SPOCK1: variants seen among roughly 807,000 people sequenced by gnomAD.
SPOCK1 encodes the protein testican-1.
In SPOCK1, 23 loss-of-function variants were observed where a neutral mutation model predicts 55.3. That is an observed-to-expected ratio of 0.42 (90% CI 0.30 to 0.59). SPOCK1 has a LOEUF of 0.59. SPOCK1 is among the 20% of genes least tolerant of loss of function. The pLI, the probability that SPOCK1 is intolerant of heterozygous loss-of-function variation, is 0.22. For synonymous variants in SPOCK1, 226 were observed against 221.0 expected, an observed-to-expected ratio of 1.02 and a Z score of -0.20; for missense variants, 499 against 552.5, an observed-to-expected ratio of 0.90 and a Z score of 0.97.
rs1024365476 is a variant in SPOCK1, at chr5:137,167,907, T to A, written c.233-27213A>T. ...TGTCAAAAAACAACCTAACAATGCATCTTAAAGAATTACAAAAGCAAGAGC... is the reference window on the plus strand; with the variant it reads ...TGTCAAAAAACAACCTAACAATGCAACTTAAAGAATTACAAAAGCAAGAGC... On this transcript the variant is annotated intron_variant, in intron 3 of 10. Coordinates refer to ENST00000394945, the MANE Select transcript of SPOCK1 (RefSeq NM_004598.4). Among the ~76,000 whole-genome samples the A allele has an allele frequency of 2.0e-5, 3 of 151,846 alleles. No homozygotes were observed. The East Asian group carries it at 5.8e-4, about 29-fold the overall frequency.
chr5:137,435,310 T>A (rs992003150), intron 2 of SPOCK1, among the ~76,000 whole-genome samples: 1 of 152,352 alleles, frequency 6.6e-6, no homozygotes. Flanking sequence ...ATTCATTGAC[T>A]CGTTAAAGTT....
At chr5:136,987,128 A>C (rs926269609) in intron 8 of SPOCK1, among the ~76,000 whole-genome samples, 2 of 152,140 alleles carry the variant, frequency 1.3e-5, no homozygotes, top group African/African-American at 4.8e-5. Context: ...TGTAATACAC[A>C]ATCTAGACTG....
Position 136,996,887 on chromosome 5 carries a change from C to T in SPOCK1, c.590-4287G>A, listed in dbSNP as rs188580359. ...AGCAGCGGCAACCCTCTCGGTTCCC[C>T]TTCCACACTGTGGAAACTTCGTTCT... is the stretch of plus-strand genomic sequence containing the variant. On this transcript the variant is annotated intron_variant, in intron 6 of 10. Coordinates refer to ENST00000394945, the MANE Select transcript of SPOCK1 (RefSeq NM_004598.4). Among the ~76,000 whole-genome samples, 10 of 152,272 alleles carry T rather than the reference C, an allele frequency of 6.6e-5. No individual in the cohort carries two copies. The East Asian group carries it at 1.9e-3, about 30-fold the overall frequency.
intron 2 of SPOCK1, among the ~76,000 whole-genome samples, chr5:137,497,530 T>A (rs1754324313): frequency 6.6e-6 from 1 of 152,132 alleles, no homozygotes; most frequent in Admixed American, 6.5e-5. Context: ...TGGCAGACGC[T>A]CCCACAGAAC....
intron 5 of SPOCK1, among the ~76,000 whole-genome samples, chr5:137,079,535 C>CCGCA (rs1554096418): frequency 2.1e-5 from 1 of 47,096 alleles, no homozygotes; most frequent in Admixed American, 1.9e-4. Context: ...CATCTGATTC[C>CCGCA]CCCCCCCCCC....
chr5:137,092,560 C>T (rs1753071158), intron 5 of SPOCK1, among the ~76,000 whole-genome samples: 1 of 152,240 alleles, frequency 6.6e-6, no homozygotes, highest in Admixed American at 6.5e-5. Flanking sequence ...CCACCTGATA[C>T]ACACCCACTT....
chr5:137,204,828 C>T lies in SPOCK1; in HGVS notation c.232+62182G>A, dbSNP rs187293664. On this transcript the variant is annotated intron_variant, in intron 3 of 10. Coordinates refer to ENST00000394945, the MANE Select transcript of SPOCK1 (RefSeq NM_004598.4). ...CTGCAATCTCATATCCCGCTCTTTT[C>T]CCCTCACTGTATATACCCTAGAAGC... 9.3e-4 allele frequency among the ~76,000 whole-genome samples: 141 copies of T among 152,246 alleles called. 1 individual carries two copies. Among genetic ancestry groups the T allele is most frequent in the African/African-American group, 3.3e-3 (137 of 41,552 alleles).
At chr5:137,160,508 T>C (rs10071481) in intron 3 of SPOCK1, among the ~76,000 whole-genome samples, 1 of 90,010 alleles carries the variant, frequency 1.1e-5, no homozygotes, top group African/African-American at 4.7e-5. Context: ...TATATATATA[T>C]ACACATATAT....
intron 2 of SPOCK1, among the ~76,000 whole-genome samples, chr5:137,399,345 T>C (rs1227256814): frequency 1.3e-5 from 2 of 151,230 alleles, no homozygotes; most frequent in Non-Finnish European, 2.9e-5. Context: ...ACTACTGGGC[T>C]ATATTGCCTC....
intron 2 of SPOCK1, among the ~76,000 whole-genome samples, chr5:137,289,526 T>C (rs943852986): frequency 6.6e-6 from 1 of 152,144 alleles, no homozygotes; most frequent in South Asian, 2.1e-4. Context: ...GAAGCAGCAA[T>C]TCAGGGGAGA....
intron 2 of SPOCK1, among the ~76,000 whole-genome samples, chr5:137,407,632 C>A (rs1263955402): frequency 6.6e-6 from 1 of 151,968 alleles, no homozygotes; most frequent in Non-Finnish European, 1.5e-5. Flanking sequence ...GAGTCCAAAC[C>A]CCAACATAAA....
rs190919190 is a variant in SPOCK1, at chr5:137,257,956, A to G, written c.232+9054T>C. Among the ~76,000 whole-genome samples the G allele has an allele frequency of 3.7e-4, 56 of 152,290 alleles. No homozygotes were observed. The East Asian group carries it at 9.6e-3, about 26-fold the overall frequency. ...CTCCACAGTCCTCACCAAGTCTGTG[A>G]GTTCTTGATTCAATGATTAACTGAT... On this transcript the variant is annotated intron_variant, in intron 3 of 10. Transcript: ENST00000394945.
intron 3 of SPOCK1, among the ~76,000 whole-genome samples, chr5:137,145,016 C>A (rs115496592): frequency 0.014 from 2,086 of 152,166 alleles, 45 homozygotes; most frequent in African/African-American, 0.047. Context: ...TCCTGTGGAC[C>A]CAAACAGGAC....
intron 6 of SPOCK1, among the ~76,000 whole-genome samples, chr5:137,005,969 T>G (rs1428369582): frequency 6.6e-6 from 1 of 152,130 alleles, no homozygotes; most frequent in Non-Finnish European, 1.5e-5. Context: ...GTTACTGGGT[T>G]TTAAAAGTAA....
intron 3 of SPOCK1, among the ~76,000 whole-genome samples, chr5:137,151,409 G>A (rs750684304): frequency 2.6e-5 from 4 of 152,150 alleles, no homozygotes; most frequent in East Asian, 3.9e-4. Flanking sequence ...TTCTGCCCCC[G>A]AACCTCAAAA....
intron 3 of SPOCK1, among the ~76,000 whole-genome samples, chr5:137,225,841 G>A (rs370398516): frequency 6.6e-6 from 1 of 152,228 alleles, no homozygotes; most frequent in Non-Finnish European, 1.5e-5. Flanking sequence ...TTCAAGAACT[G>A]AGAAAGGAAT....
In SPOCK1 at chr5:137,497,083, T is replaced by C. The variant is rs1470661423; in HGVS notation, c.186+1290A>G. 2.6e-5 allele frequency among the ~76,000 whole-genome samples: 4 copies of C among 152,122 alleles called. No individual in the cohort carries two copies. The East Asian group carries it at 5.8e-4, about 22-fold the overall frequency. On this transcript the variant is annotated intron_variant, in intron 2 of 10. Coordinates refer to ENST00000394945, the MANE Select transcript of SPOCK1 (RefSeq NM_004598.4). Reference sequence around the variant, plus strand: ...GAGAGGGTGCTCTTTAAAAAGTGTATGGAAACATCTGGGATTCATTCAATG... The same window carrying C: ...GAGAGGGTGCTCTTTAAAAAGTGTACGGAAACATCTGGGATTCATTCAATG...
intron 2 of SPOCK1, among the ~76,000 whole-genome samples, chr5:137,330,063 C>T (rs1758142694): frequency 6.6e-6 from 1 of 152,146 alleles, no homozygotes; most frequent in Non-Finnish European, 1.5e-5. Context: ...CCAGGCCTCC[C>T]ACCAGGCCAC....
chr5:137,349,572 C>G (rs1454124326), intron 2 of SPOCK1, among the ~76,000 whole-genome samples: 1 of 152,212 alleles, frequency 6.6e-6, no homozygotes, highest in Non-Finnish European at 1.5e-5. Context: ...TATTGTCTCA[C>G]AGATTTGAAA....
Sources: gnomAD v4.1 joint callset for allele counts (sites outside exome capture counted in the v4.1 genomes callset) on GRCh38, gnomAD v4.1.1 for gene constraint, MANE v1.5 for transcripts, NCBI Gene and HGNC (gene_info 2026-07-23, HGNC 2026-07-21) for gene names.